TMEM161A: variants seen among roughly 807,000 people sequenced by gnomAD.
TMEM161A encodes the protein transmembrane protein 161A, also known as adaptive response to oxidative stress protein 29.
In TMEM161A, 46 loss-of-function variants were observed where a neutral mutation model predicts 57.1. That is an observed-to-expected ratio of 0.81 (90% CI 0.64 to 1.03). TMEM161A has a LOEUF of 1.03. TMEM161A is among the 50% of genes least tolerant of loss of function. The pLI is 0.00. For synonymous variants in TMEM161A, 288 were observed against 279.0 expected (o/e 1.03, Z -0.32); for missense variants, 601 against 621.5 (o/e 0.97, Z 0.35).
Position 19,132,238 on chromosome 19 carries a change from T to C in TMEM161A, c.443+114A>G. 8.1e-7 allele frequency: 1 copy of C among 1,240,150 alleles called. No individual in the cohort carries two copies. The allele number at this position is 1,240,150 out of a possible 1,614,324, so 76.8% of individuals were successfully genotyped here. On this transcript the variant is annotated intron_variant, in intron 5 of 11. Transcript: ENST00000162044. This position sits in a 1 kb window ranked among gnomAD's most constrained non-coding sequence, Gnocchi z 4.3. ...AATGTCTGCTTCATGTCACTAAGCT[T>C]GGGGAAGTTTGTGGCACAGCAGGTG...
chr19:19,121,087 G>C lies in TMEM161A; in HGVS notation c.994C>G (p.Pro332Ala), dbSNP rs1380680264. ...AGGCACAGGTAGGCCTGCAGGTGGG[G>C]CCGGGTCACCGCCAGCCGCAGCAGG... Reference protein sequence around the residue: ...LCLLRLAVTRPHLQAYLCLAK... With the variant: ...LCLLRLAVTRAHLQAYLCLAK... The change falls in exon 10 of 12, where the codon CCC becomes GCC. Residue 332 changes from proline (P) to alanine (A), a missense_variant. Physicochemically the swap from Pro to Ala is conservative, Grantham distance 27 (BLOSUM62 -1). Coordinates refer to ENST00000162044, the MANE Select transcript of TMEM161A (RefSeq NM_017814.3). This position sits in a 1 kb window ranked among gnomAD's most constrained non-coding sequence, Gnocchi z 5.8. The C allele has an allele frequency of 1.2e-6, 2 of 1,611,466 alleles. No homozygotes were observed. Among genetic ancestry groups the C allele is most frequent in the Non-Finnish European group, 8.5e-7 (1 of 1,179,446 alleles).
intron 1 of TMEM161A, 93 bp from the exon 2 acceptor site, chr19:19,134,980 C>A (rs575818028): frequency 3.3e-6 from 3 of 903,064 alleles, no homozygotes; most frequent in East Asian, 5.3e-5. Flanking sequence ...AGAAGTCAGG[C>A]TGGATGGGGG....
In TMEM161A at chr19:19,121,754, C is replaced by T. The variant is rs1456457822; in HGVS notation, c.656+5G>A. 1.2e-6 allele frequency: 2 copies of T among 1,614,082 alleles called. No individual in the cohort carries two copies. Among genetic ancestry groups the T allele is most frequent in the African/African-American group, 1.3e-5 (1 of 75,016 alleles). Reference sequence around the variant, plus strand: ...TTGCCTCCCTCCCCCATTCCCAGGACTCACGCCCAGTCCCAGCCCTGCTTC... The same window carrying T: ...TTGCCTCCCTCCCCCATTCCCAGGATTCACGCCCAGTCCCAGCCCTGCTTC... On this transcript the variant is annotated splice_donor_5th_base_variant and intron_variant, in intron 7 of 11. Coordinates refer to ENST00000162044, the MANE Select transcript of TMEM161A (RefSeq NM_017814.3). The surrounding 1 kb of genome is among the most constrained non-coding windows in gnomAD (Gnocchi z 5.8).
chr19:19,132,357 GA>G lies in TMEM161A; in HGVS notation c.437del (p.Phe146SerfsTer7). ...AVFWCLLTVT[F>X]SIKMFLTVTR... ...GGAGCAGAGAGGAAGGATACATGGA[GA>G]AGGTCACCGTGAGCAGGCACCAGAA... On this transcript the variant is annotated frameshift_variant, in exon 5 of 12. Transcript: ENST00000162044. LOFTEE classifies it high-confidence loss of function. This position sits in a 1 kb window ranked among gnomAD's most constrained non-coding sequence, Gnocchi z 4.3. The G allele has an allele frequency of 6.2e-7, 1 of 1,612,510 alleles. No homozygotes were observed. The highest frequency in any genetic ancestry group is 8.5e-7 in the Non-Finnish European group (1 of 1,179,070).
In TMEM161A at chr19:19,132,737, C is replaced by A. The variant is rs1422221683; in HGVS notation, c.206G>T (p.Ser69Ile). 1.9e-6 allele frequency: 3 copies of A among 1,557,378 alleles called. No homozygotes were observed. The highest frequency in any genetic ancestry group is 2.4e-5 in the South Asian group (2 of 81,774). The change falls in exon 4 of 12, where the codon AGT becomes ATT. Residue 69 changes from serine (S) to isoleucine (I), a missense_variant. Physicochemically the swap from Ser to Ile is moderately radical, Grantham distance 142. Coordinates refer to ENST00000162044, the MANE Select transcript of TMEM161A (RefSeq NM_017814.3). The surrounding 1 kb of genome is among the most constrained non-coding windows in gnomAD (Gnocchi z 4.3). ...GRKERWANGL[S>I]EEKPLSVPRD... ...GGGCACAGACAGTGGCTTCTCCTCA[C>A]TAAGGCCATTGGCCCACCTGGGAGG...
rs1415970475 is a variant in TMEM161A, at chr19:19,120,780, G to T, written c.1171C>A (p.Leu391Met). The T allele has an allele frequency of 1.2e-6, 2 of 1,613,414 alleles. No homozygotes were observed. The highest frequency in any genetic ancestry group is 3.3e-5 in the Admixed American group (2 of 60,012). Residue 391 changes from leucine (L) to methionine (M), a missense_variant, in exon 11 of 12, where the codon CTG becomes ATG. Transcript: ENST00000162044. ...PLILTLNCTL[L>M]LKTLGGYSWG... is the part of the protein sequence containing the mutation. The stretch of plus-strand genomic sequence containing the variant: ...GGCATCTCACCCAGCGTCTTGAGCA[G>T]AAGTGTGCAGTTGAGGGTGAGGATG...
rs762278265 is a variant in TMEM161A at position 19,134,885 on chromosome 19, C to T, written c.6G>A (p.Ala2=). The change falls in exon 2 of 12, where the codon GCG becomes GCA. Residue 2 remains alanine, a splice_region_variant and synonymous_variant. Coordinates refer to ENST00000162044, the MANE Select transcript of TMEM161A (RefSeq NM_017814.3). The part of the protein sequence containing the change: M[A]VLGVQLVVTL... ...TCACCACCAGCTGTACTCCGAGGAC[C>T]GCCTGGGGGGAGGGGACATGACTGG... 2 of 1,583,578 alleles carry T rather than the reference C, an allele frequency of 1.3e-6. No individual in the cohort carries two copies. The highest frequency in any genetic ancestry group is 1.7e-6 in the Non-Finnish European group (2 of 1,165,160).
chr19:19,122,451 G>A (rs2059915452), intron 6 of TMEM161A, among the ~76,000 whole-genome samples: 1 of 152,108 alleles, frequency 6.6e-6, no homozygotes, highest in Non-Finnish European at 1.5e-5. Context: ...CTGGAGGAAG[G>A]AATCCTCAAT....
At position 19,120,065 on chromosome 19, in the gene TMEM161A, G is replaced by A. The variant is rs1287778193; in HGVS notation, c.1305C>T (p.Ala435=). 1.9e-6 allele frequency: 3 copies of A among 1,594,682 alleles called. No individual in the cohort carries two copies. Among genetic ancestry groups the A allele is most frequent in the East Asian group, 2.3e-5 (1 of 44,072 alleles). ...GAGTAAGCAGGCCACCCAGAGCCCC[G>A]GCAATCCGCGCTGCAGTCTGCTGGA... is the stretch of plus-strand genomic sequence containing the variant. ...DEVQQTAARI[A]GALGGLLTPL... Residue 435 remains alanine, a synonymous_variant, in exon 12 of 12, where the codon GCC becomes GCT. Coordinates refer to ENST00000162044, the MANE Select transcript of TMEM161A (RefSeq NM_017814.3).
At chr19:19,135,172 A>G (rs1364988084) in intron 1 of TMEM161A, among the ~76,000 whole-genome samples, 1 of 152,154 alleles carries the variant, frequency 6.6e-6, no homozygotes, top group Admixed American at 6.6e-5. Context: ...GGATTCAGGT[A>G]TAATATTAAT....
chr19:19,133,096 T>G, intron 3 of TMEM161A, 34 bp downstream of exon 3: 2 of 1,603,692 alleles, frequency 1.2e-6, no homozygotes, highest in Non-Finnish European at 1.7e-6. Context: ...GGAGCCACCC[T>G]CCCAAGGCTG....
In TMEM161A at chr19:19,120,138, T is replaced by C; in HGVS notation, c.1232A>G (p.Asp411Gly). ...GLGPAPLLSP[D>G]PSSASAAPIG... ...GGGGGCAGCGCTGGCTGAGGATGGGTCGGGGGATAGTAGAGGAGCTGGGCC... is the reference window on the plus strand; with the variant it reads ...GGGGGCAGCGCTGGCTGAGGATGGGCCGGGGGATAGTAGAGGAGCTGGGCC... The change falls in exon 12 of 12, where the codon GAC (aspartate) becomes GGC (glycine). Residue 411 changes from aspartate (D) to glycine (G), a missense_variant. Asp to Gly is a moderately conservative substitution (Grantham distance 94). Transcript: ENST00000162044. 1 of 1,563,376 alleles carries C rather than the reference T, an allele frequency of 6.4e-7. No homozygotes were observed. The highest frequency in any genetic ancestry group is 1.4e-5 in the African/African-American group (1 of 73,810).
At chr19:19,120,399 A>T (rs559777712) in intron 11 of TMEM161A, among the ~76,000 whole-genome samples, 66 of 148,996 alleles carry the variant, frequency 4.4e-4, no homozygotes, top group Admixed American at 1.9e-3. Context: ...GCCTCAATAC[A>T]TGCCCTGCCC....
intron 6 of TMEM161A, among the ~76,000 whole-genome samples, chr19:19,129,835 G>A (rs1346100552): frequency 6.6e-6 from 1 of 151,984 alleles, no homozygotes; most frequent in East Asian, 1.9e-4. Context: ...AATGCAGGAG[G>A]CAGAGGTTGC....
At chr19:19,120,671 T>G in intron 11 of TMEM161A, 94 bp downstream of exon 11, 28 of 835,570 alleles carry the variant, frequency 3.4e-5, no homozygotes, top group Non-Finnish European at 5.2e-5. Flanking sequence ...GCCCCGCCTC[T>G]CCCCCCCCAC....
At chr19:19,134,461 G>A (rs999750996) in intron 2 of TMEM161A, among the ~76,000 whole-genome samples, 2 of 151,968 alleles carry the variant, frequency 1.3e-5, no homozygotes, top group Admixed American at 6.6e-5. Flanking sequence ...AATTGTCTGG[G>A]CATGGTGGCG....
In TMEM161A at chr19:19,133,157, T is replaced by A; in HGVS notation, c.161A>T (p.Lys54Met). ...CTCTTTCCTGCCTCTGGGCCTCGGCTTCCCCGCCAGGGCCCGAAGCTCCTC... is the reference window on the plus strand; with the variant it reads ...CTCTTTCCTGCCTCTGGGCCTCGGCATCCCCGCCAGGGCCCGAAGCTCCTC... ...SEEELRALAG[K>M]PRPRGRKERW... Residue 54 changes from lysine (K) to methionine (M), a missense_variant, in exon 3 of 12, where the codon AAG becomes ATG. Coordinates refer to ENST00000162044, the MANE Select transcript of TMEM161A (RefSeq NM_017814.3). 6.2e-7 allele frequency: 1 copy of A among 1,614,128 alleles called. No individual in the cohort carries two copies. Among genetic ancestry groups the A allele is most frequent in the Admixed American group, 1.7e-5 (1 of 60,010 alleles).
chr19:19,121,283 C>T lies in TMEM161A; in HGVS notation c.914+25G>A. ...AGGGCACCCAGGGGAGCCCCAGCTA[C>T]CTCCTAGCCCCACCCAATACGCACA... On this transcript the variant is annotated intron_variant, in intron 9 of 11. Coordinates refer to ENST00000162044, the MANE Select transcript of TMEM161A (RefSeq NM_017814.3). This position sits in a 1 kb window ranked among gnomAD's most constrained non-coding sequence, Gnocchi z 5.8. The T allele has an allele frequency of 1.3e-6, 2 of 1,554,268 alleles. No homozygotes were observed. The highest frequency in any genetic ancestry group is 1.2e-5 in the South Asian group (1 of 84,822).
At chr19:19,138,401 C>G in intron 1 of TMEM161A, 25 bp downstream of exon 1, 1 of 1,601,750 alleles carries the variant, frequency 6.2e-7, no homozygotes, top group Non-Finnish European at 8.5e-7. Context: ...TGCAGAACCC[C>G]CCACTTCGCG....
Sources: gnomAD v4.1 joint callset for allele counts (sites outside exome capture counted in the v4.1 genomes callset) on GRCh38, gnomAD v4.1.1 for gene constraint, Gnocchi (gnomAD v3.1) non-coding constraint, MANE v1.5 for transcripts, NCBI Gene and HGNC (gene_info 2026-07-23, HGNC 2026-07-21) for gene names.